Variants in DTNA observed in about 807,000 individuals in gnomAD.
The protein encoded by DTNA is dystrobrevin alpha, also known as dystrophin-related protein 3.
A neutral mutation model predicts 100.7 loss-of-function variants in DTNA; 43 were observed. That is an observed-to-expected ratio of 0.43 (90% CI 0.33 to 0.55). DTNA has a LOEUF of 0.55. DTNA is among the 20% of genes least tolerant of loss of function. The pLI is 0.04. For missense variants in DTNA, 798 were observed against 953.9 expected, an observed-to-expected ratio of 0.84 and a Z score of 2.15; for synonymous variants, 349 against 347.9, an observed-to-expected ratio of 1.00 and a Z score of -0.04.
At chr18:34,720,392 A>G (rs2085031464) in intron 1 of DTNA, among the ~76,000 whole-genome samples, 1 of 152,246 alleles carries the variant, frequency 6.6e-6, no homozygotes, top group African/African-American at 2.4e-5. Flanking sequence ...AGGCAATGAA[A>G]GAACAATGCC....
intron 1 of DTNA, among the ~76,000 whole-genome samples, chr18:34,540,422 G>T (rs2044139440): frequency 6.6e-6 from 1 of 151,928 alleles, no homozygotes; most frequent in African/African-American, 2.4e-5. Context: ...GATTTTCATT[G>T]TATGAAGCAT....
intron 1 of DTNA, among the ~76,000 whole-genome samples, chr18:34,510,849 A>T (rs1289045470): frequency 6.6e-6 from 1 of 152,022 alleles, no homozygotes; most frequent in African/African-American, 2.4e-5. Flanking sequence ...TTAAAAAATC[A>T]GAATGCATGG....
intron 1 of DTNA, among the ~76,000 whole-genome samples, chr18:34,506,041 C>A (rs962817502): frequency 3.9e-5 from 6 of 152,208 alleles, no homozygotes; most frequent in African/African-American, 1.2e-4. Flanking sequence ...CTCACTCAGT[C>A]TCCCTTGACA....
At chr18:34,514,715 T>G (rs1258457506) in intron 1 of DTNA, among the ~76,000 whole-genome samples, 1 of 152,050 alleles carries the variant, frequency 6.6e-6, no homozygotes, top group Non-Finnish European at 1.5e-5. Flanking sequence ...GTTTACTGGC[T>G]CATATATGGC....
intron 1 of DTNA, among the ~76,000 whole-genome samples, chr18:34,516,414 T>A (rs1216265288): frequency 6.6e-6 from 1 of 152,034 alleles, no homozygotes; most frequent in African/African-American, 2.4e-5. Flanking sequence ...TGGGCACGCG[T>A]TATCATTGAT....
intron 3 of DTNA, among the ~76,000 whole-genome samples, chr18:34,779,469 C>CT (rs2094217501): frequency 6.6e-6 from 1 of 152,152 alleles, no homozygotes; most frequent in African/African-American, 2.4e-5. Context: ...ACTTATTTAG[C>CT]TTTTTCCTTG....
At chr18:34,567,337 C>G (rs2047174804) in intron 1 of DTNA, among the ~76,000 whole-genome samples, 1 of 151,934 alleles carries the variant, frequency 6.6e-6, no homozygotes, top group East Asian at 1.9e-4. Context: ...TATTCGTTAC[C>G]TTAAAAAGTT....
intron 11 of DTNA, among the ~76,000 whole-genome samples, chr18:34,834,459 C>T (rs538808760): frequency 1.8e-4 from 27 of 151,590 alleles, no homozygotes; most frequent in Non-Finnish European, 3.7e-4. Context: ...GCCAAGATCG[C>T]ACCATTGCAC....
At chr18:34,830,887 G>A (rs1247303545) in intron 11 of DTNA, among the ~76,000 whole-genome samples, 1 of 152,152 alleles carries the variant, frequency 6.6e-6, no homozygotes, top group African/African-American at 2.4e-5. Context: ...CACCACTGGG[G>A]AAAGAGCTCT....
At chr18:34,510,017 G>C (rs1227117191) in intron 1 of DTNA, among the ~76,000 whole-genome samples, 1 of 150,808 alleles carries the variant, frequency 6.6e-6, no homozygotes, top group Non-Finnish European at 1.5e-5. Flanking sequence ...TCACCCAATA[G>C]TAGTTTAAGG....
chr18:34,791,410 T>A (rs2094736955), intron 3 of DTNA, among the ~76,000 whole-genome samples: 2 of 152,166 alleles, frequency 1.3e-5, no homozygotes, highest in South Asian at 4.1e-4. Flanking sequence ...CTTTGCATCC[T>A]GCACCCAGAC....
At chr18:34,669,505 C>A (rs1261021810) in intron 1 of DTNA, among the ~76,000 whole-genome samples, 1 of 152,194 alleles carries the variant, frequency 6.6e-6, no homozygotes, top group Non-Finnish European at 1.5e-5. Flanking sequence ...TTAGTTGATG[C>A]TGTTTCTTCC....
chr18:34,639,241 G>A (rs931291665), intron 1 of DTNA, among the ~76,000 whole-genome samples: 2 of 152,180 alleles, frequency 1.3e-5, no homozygotes, highest in Admixed American at 6.5e-5. Flanking sequence ...GTGGGCAGCT[G>A]TCCTGTGCTT....
chr18:34,520,998 T>C (rs1356090859), intron 1 of DTNA, among the ~76,000 whole-genome samples: 1 of 152,208 alleles, frequency 6.6e-6, no homozygotes, highest in African/African-American at 2.4e-5. Context: ...ATAAAAGCCA[T>C]CACTTATTGA....
chr18:34,855,392 T>C (rs2096540337), intron 15 of DTNA, among the ~76,000 whole-genome samples: 1 of 152,150 alleles, frequency 6.6e-6, no homozygotes, highest in African/African-American at 2.4e-5. Flanking sequence ...AGGAACTATG[T>C]TAGATAGATG....
chr18:34,714,321 G>A (rs1394742064), intron 1 of DTNA, among the ~76,000 whole-genome samples: 30 of 145,832 alleles, frequency 2.1e-4, no homozygotes, highest in East Asian at 7.9e-4. Context: ...GAAAATTTTC[G>A]CAACCTACTC....
chr18:34,743,992 T>C (rs2091165335), intron 1 of DTNA, among the ~76,000 whole-genome samples: 1 of 152,040 alleles, frequency 6.6e-6, no homozygotes, highest in Non-Finnish European at 1.5e-5. Flanking sequence ...GCTAGACTCC[T>C]CAGAAAGCAC....
intron 13 of DTNA, among the ~76,000 whole-genome samples, chr18:34,845,386 T>C (rs932548646): frequency 6.6e-6 from 1 of 152,178 alleles, no homozygotes; most frequent in African/African-American, 2.4e-5. Flanking sequence ...TTTAAAAATA[T>C]AACCTTCATA....
At chr18:34,842,502 A>G (rs759727272) in intron 13 of DTNA, among the ~76,000 whole-genome samples, 5 of 152,142 alleles carry the variant, frequency 3.3e-5, no homozygotes, top group Non-Finnish European at 5.9e-5. Context: ...ACCATGGTGT[A>G]CAAACCTGCA....
Sources: gnomAD v4.1 joint callset for allele counts (sites outside exome capture counted in the v4.1 genomes callset) on GRCh38, gnomAD v4.1.1 for gene constraint, MANE v1.5 for transcripts, NCBI Gene and HGNC (gene_info 2026-07-23, HGNC 2026-07-21) for gene names.